PELO: variants seen among roughly 807,000 people sequenced by gnomAD.
The protein encoded by PELO is protein pelota homolog.
Under a neutral mutation model 25.9 loss-of-function variants are expected in PELO, and 19 were observed. The observed-to-expected ratio is 0.73, with a 90% CI of 0.51 to 1.08. The LOEUF (loss-of-function observed/expected upper bound fraction) is 1.08. PELO is among the 50% of genes least tolerant of loss of function. The probability of loss-of-function intolerance (pLI) is 0.00; values close to 1 mark genes in which losing one functional copy is unlikely to be tolerated. For missense variants in PELO, 498 were observed against 491.4 expected (o/e 1.01, Z -0.13); for synonymous variants, 196 against 192.2 (o/e 1.02, Z -0.16).
At chr5:52,790,927 C>T (rs539262654) in intron 1 of PELO, among the ~76,000 whole-genome samples, 2 of 152,158 alleles carry the variant, frequency 1.3e-5, no homozygotes, top group Non-Finnish European at 2.9e-5. Flanking sequence ...GAAGATATGA[C>T]CTTGTTTTAT....
At chr5:52,794,866 G>C (rs1006536034) in intron 1 of PELO, among the ~76,000 whole-genome samples, 6 of 151,694 alleles carry the variant, frequency 4.0e-5, no homozygotes, top group South Asian at 4.1e-4. Context: ...TTCTTATTTT[G>C]TAAAGTTCAC....
In PELO at chr5:52,800,109, G is replaced by A. The variant is rs114309882; in HGVS notation, c.-286G>A. 5,929 of 385,284 alleles carry A rather than the reference G, an allele frequency of 0.015. 70 individuals carry two copies. Among genetic ancestry groups the A allele is most frequent in the Non-Finnish European group, 0.021 (4,419 of 210,418 alleles). 23.9% of individuals were successfully genotyped at this position (385,284 alleles called of 1,614,324 possible). A position where few individuals can be genotyped will look rare whatever the true frequency, so the allele number is the denominator to read the frequency against. On this transcript the variant is annotated 5_prime_UTR_variant, in exon 2 of 3. Transcript: ENST00000274311. ...GCATGCGCCTTCATTTCGTCAGCCC[G>A]CTGTTGCGTGCTGCCAGCGGGAACT...
In PELO at chr5:52,800,514, C is replaced by G; in HGVS notation, c.120C>G (p.Arg40=). 6.2e-7 allele frequency: 1 copy of G among 1,613,994 alleles called. No homozygotes were observed. Among genetic ancestry groups the G allele is most frequent in the Admixed American group, 1.7e-5 (1 of 60,008 alleles). The change falls in exon 2 of 3, where the codon CGC becomes CGG. Residue 40 remains arginine (R), a synonymous_variant. Transcript: ENST00000274311. ...YNLVQVGDSL[R]ASTIRKVQTE... is the part of the protein sequence containing the mutation. ...TCGTGCAGGTGGGCGACAGCCTGCG[C>G]GCCTCCACCATCCGCAAGGTACAGA...
chr5:52,795,887 A>C (rs1354195145), intron 1 of PELO, among the ~76,000 whole-genome samples: 2 of 151,946 alleles, frequency 1.3e-5, no homozygotes, highest in African/African-American at 4.8e-5. Context: ...ACTTATTTCA[A>C]GTTGGTAGAA....
At chr5:52,794,965 A>G (rs866313511) in intron 1 of PELO, among the ~76,000 whole-genome samples, 2 of 152,116 alleles carry the variant, frequency 1.3e-5, no homozygotes, top group African/African-American at 4.8e-5. Context: ...TGTATTTTAA[A>G]TTACCATTTT....
chr5:52,801,120 G>C lies in PELO; in HGVS notation c.726G>C (p.Gln242His). The C allele has an allele frequency of 6.3e-7, 1 of 1,594,470 alleles. No homozygotes were observed. The highest frequency in any genetic ancestry group is 8.6e-7 in the Non-Finnish European group (1 of 1,169,186). ...LLLENRSKFL[Q>H]VHASSGHKYS... ...TGGAAAACCGGTCCAAATTTCTTCA[G>C]GTAAAACAATCTTACCCAGGGATAA... is the stretch of plus-strand genomic sequence containing the variant. Residue 242 changes from glutamine to histidine, a missense_variant and splice_region_variant, in exon 2 of 3, where the codon CAG (glutamine) becomes CAC (histidine). By Grantham distance (24) the Gln-to-His change is conservative. Transcript: ENST00000274311.
Position 52,800,384 on chromosome 5 carries a change from C to T in PELO, c.-11C>T, listed in dbSNP as rs753418857. 7 of 1,613,472 alleles carry T rather than the reference C, an allele frequency of 4.3e-6. No individual in the cohort carries two copies. The Admixed American group carries it at 1.0e-4, about 23-fold the overall frequency. On this transcript the variant is annotated 5_prime_UTR_variant, in exon 2 of 3. Coordinates refer to ENST00000274311, the MANE Select transcript of PELO (RefSeq NM_015946.5). ...TTCCTTTGGTTCTGTCAGTGAGCCC[C>T]TTCCTTGGCCATGAAGCTCGTGAGG...
Position 52,802,040 on chromosome 5 carries a change from G to A in PELO, c.*200G>A, listed in dbSNP as rs1338561345. 5 of 506,992 alleles carry A rather than the reference G, an allele frequency of 9.9e-6. No individual in the cohort carries two copies. The highest frequency in any genetic ancestry group is 7.7e-5 in the African/African-American group (4 of 51,858). 31.4% of individuals were successfully genotyped at this position (506,992 alleles called of 1,614,324 possible). ...TAAACTAAAAGGAAATAATCTCCAC[G>A]TACTACCATCTTGATTAAATTGTGT... On this transcript the variant is annotated 3_prime_UTR_variant, in exon 3 of 3. Coordinates refer to ENST00000274311, the MANE Select transcript of PELO (RefSeq NM_015946.5).
At chr5:52,790,963 C>G (rs1269104323) in intron 1 of PELO, among the ~76,000 whole-genome samples, 1 of 152,184 alleles carries the variant, frequency 6.6e-6, no homozygotes, top group Admixed American at 6.5e-5. Context: ...TTCCACCTTT[C>G]CATCCTACCA....
chr5:52,793,565 A>G (rs893334785), intron 1 of PELO, among the ~76,000 whole-genome samples: 1 of 152,098 alleles, frequency 6.6e-6, no homozygotes, highest in South Asian at 2.1e-4. Flanking sequence ...TGAAAATTAC[A>G]ATCAATAATA....
At chr5:52,798,818 G>A (rs1748397064) in intron 1 of PELO, among the ~76,000 whole-genome samples, 1 of 152,108 alleles carries the variant, frequency 6.6e-6, no homozygotes, top group Admixed American at 6.5e-5. Flanking sequence ...AACACTTTAT[G>A]GTAAAGATCT....
Position 52,801,493 on chromosome 5 carries a change from G to T in PELO, c.811G>T (p.Ala271Ser). 1 of 1,614,104 alleles carries T rather than the reference G, an allele frequency of 6.2e-7. No homozygotes were observed. ...TVASRLSDTK[A>S]AGEVKALDDF... The stretch of plus-strand genomic sequence containing the variant: ...GGCTAGCCGCCTTTCAGACACTAAA[G>T]CTGCTGGGGAAGTCAAAGCCTTGGA... The change falls in exon 3 of 3, where the codon GCT becomes TCT. Residue 271 changes from alanine to serine, a missense_variant. By Grantham distance (99) the Ala-to-Ser change is moderately conservative. Coordinates refer to ENST00000274311, the MANE Select transcript of PELO (RefSeq NM_015946.5).
rs747479120 is a variant in PELO, at chr5:52,802,491, A to G, written c.*651A>G. The G allele has an allele frequency of 6.6e-6, 1 of 152,198 alleles. No individual in the cohort carries two copies. The highest frequency in any genetic ancestry group is 1.5e-5 in the Non-Finnish European group (1 of 68,046). 9.4% of individuals were successfully genotyped at this position (152,198 alleles called of 1,614,324 possible). A position where few individuals can be genotyped will look rare whatever the true frequency, so the allele number is the denominator to read the frequency against. On this transcript the variant is annotated 3_prime_UTR_variant, in exon 3 of 3. Transcript: ENST00000274311. ...ATTAGTCATATTTGATTTAGAGGGT[A>G]ACTTAAATCAGTTATTTTTAGCTTT...
chr5:52,789,922 G>A (rs1433215857), intron 1 of PELO, among the ~76,000 whole-genome samples: 5 of 152,154 alleles, frequency 3.3e-5, no homozygotes, highest in Non-Finnish European at 7.4e-5. Flanking sequence ...TCATATATAT[G>A]TTGGTGAAAT....
intron 1 of PELO, 73 bp downstream of exon 1, chr5:52,788,487 A>G (rs942313559): frequency 1.3e-5 from 16 of 1,260,636 alleles, no homozygotes; most frequent in Non-Finnish European, 1.6e-5. Context: ...GGAGGTCCTC[A>G]GAGCCATGGG....
intron 1 of PELO, 98 bp downstream of exon 1, chr5:52,788,512 A>G (rs1748173061): frequency 4.0e-5 from 42 of 1,044,154 alleles, no homozygotes; most frequent in South Asian, 1.4e-4. Context: ...ATAGGAAGAG[A>G]GAGCGCCCAT....
At position 52,801,031 on chromosome 5, in the gene PELO, G is replaced by C; in HGVS notation, c.637G>C (p.Val213Leu). The C allele has an allele frequency of 1.2e-6, 2 of 1,614,138 alleles. No homozygotes were observed. Among genetic ancestry groups the C allele is most frequent in the Non-Finnish European group, 1.7e-6 (2 of 1,179,994 alleles). The change falls in exon 2 of 3, where the codon GTG (valine) becomes CTG (leucine). Residue 213 changes from valine to leucine, a missense_variant. By Grantham distance (32) the Val-to-Leu change is conservative (BLOSUM62 1). Coordinates refer to ENST00000274311, the MANE Select transcript of PELO (RefSeq NM_015946.5). Reference protein sequence around the residue: ...KCILVASPGFVREQFCDYLFQ... With the variant: ...KCILVASPGFLREQFCDYLFQ... Reference sequence around the variant, plus strand: ...CATCCTGGTGGCCAGCCCAGGATTTGTGAGGGAGCAGTTCTGCGACTACCT... The same window carrying C: ...CATCCTGGTGGCCAGCCCAGGATTTCTGAGGGAGCAGTTCTGCGACTACCT...
In PELO at chr5:52,800,567, G is replaced by A. The variant is rs773751186; in HGVS notation, c.173G>A (p.Ser58Asn). ...QTESSTGSVG[S>N]NRVRTTLTLC... Reference sequence around the variant, plus strand: ...GAGTCCTCCACGGGCAGCGTGGGCAGCAACCGGGTCCGCACTACCCTCACT... The same window carrying A: ...GAGTCCTCCACGGGCAGCGTGGGCAACAACCGGGTCCGCACTACCCTCACT... The change falls in exon 2 of 3, where the codon AGC becomes AAC. Residue 58 changes from serine (S) to asparagine (N), a missense_variant. By Grantham distance (46) the Ser-to-Asn change is conservative. Coordinates refer to ENST00000274311, the MANE Select transcript of PELO (RefSeq NM_015946.5). 10 of 1,613,494 alleles carry A rather than the reference G, an allele frequency of 6.2e-6. No homozygotes were observed. The Admixed American group carries it at 1.5e-4, about 24-fold the overall frequency.
At chr5:52,798,798 T>C (rs1748396282) in intron 1 of PELO, among the ~76,000 whole-genome samples, 1 of 152,170 alleles carries the variant, frequency 6.6e-6, no homozygotes, top group Admixed American at 6.5e-5. Flanking sequence ...CCATGGTAAA[T>C]TTTCATAGAA....
Sources: allele counts gnomAD v4.1 joint callset (sites outside exome capture counted in the v4.1 genomes callset), GRCh38; gene constraint gnomAD v4.1.1; transcripts MANE v1.5; gene names NCBI Gene and HGNC (gene_info 2026-07-23, HGNC 2026-07-21).